Variants in COL21A1 observed in about 807,000 individuals in gnomAD.
COL21A1 encodes collagen alpha-1(XXI) chain.
In COL21A1, 149 loss-of-function variants were observed where a neutral mutation model predicts 137.9. The observed-to-expected ratio is 1.08, with a 90% CI of 0.95 to 1.24. The LOEUF is 1.24. Ranked by LOEUF, COL21A1 falls within the 50% of genes most tolerant of loss-of-function variation. The pLI is 0.00. For synonymous variants in COL21A1, 456 were observed against 391.5 expected (o/e 1.16, Z -1.95); for missense variants, 1,167 against 1,158.4 (o/e 1.01, Z -0.11).
At chr6:56,339,373 G>GA (rs11454007) in intron 1 of COL21A1, among the ~76,000 whole-genome samples, 98,221 of 152,026 alleles carry the variant, frequency 0.65, 32,155 homozygotes, top group East Asian at 0.92. Flanking sequence ...TACAGTGTCT[G>GA]AAAGTAGTAC....
chr6:56,394,116 C>G (rs796924769), upstream of COL21A1: 7 of 152,476 alleles, frequency 4.6e-5, no homozygotes, highest in African/African-American at 1.7e-4. Context: ...GGGAAGTGTG[C>G]TGCAGCCACA....
chr6:56,376,347 A>T (rs73745649), intron 1 of COL21A1, among the ~76,000 whole-genome samples: 1,687 of 152,312 alleles, frequency 0.011, 28 homozygotes, highest in African/African-American at 0.039. Context: ...ACGGAGGAAG[A>T]GGAGGCAGGA....
chr6:56,287,616 C>T (rs1313300554), intron 1 of COL21A1, among the ~76,000 whole-genome samples: 1 of 152,054 alleles, frequency 6.6e-6, no homozygotes, highest in African/African-American at 2.4e-5. Context: ...GAGGCCTCCC[C>T]AGCCATGCTT....
intron 1 of COL21A1, among the ~76,000 whole-genome samples, chr6:56,336,468 A>G (rs898039695): frequency 9.2e-5 from 14 of 152,248 alleles, no homozygotes; most frequent in African/African-American, 3.4e-4. Flanking sequence ...ACAGATTATA[A>G]GAAAATATTC....
intron 12 of COL21A1, among the ~76,000 whole-genome samples, chr6:56,138,620 A>G (rs1031626826): frequency 1.8e-4 from 27 of 152,156 alleles, no homozygotes; most frequent in African/African-American, 5.5e-4. Context: ...CAGCAAGACA[A>G]GAAGAAATAA....
At chr6:56,242,912 G>A (rs1782420142) in intron 1 of COL21A1, among the ~76,000 whole-genome samples, 1 of 152,170 alleles carries the variant, frequency 6.6e-6, no homozygotes, top group African/African-American at 2.4e-5. Context: ...AAGTTGGATT[G>A]TGCGTCTCTT....
In COL21A1 at chr6:56,166,954, A is replaced by T; in HGVS notation, c.1230T>A (p.Cys410Ter). Residue 410 changes from cysteine (C) to a stop codon, truncating the protein, a stop_gained, in exon 7 of 30, where the codon TGT (cysteine) becomes TGA (stop). Transcript: ENST00000244728. LOFTEE classifies it high-confidence loss of function. Reference sequence around the variant, plus strand: ...TCTCCCGGTTGTTCTGTTCTGGGTCACAGTAGATTCGCAACTTTTGGACAT... The same window carrying T: ...TCTCCCGGTTGTTCTGTTCTGGGTCTCAGTAGATTCGCAACTTTTGGACAT... The part of the protein sequence containing the change: ...QFDVQKLRIY[C>*]DPEQNNRETA... 1 of 1,612,630 alleles carries T rather than the reference A, an allele frequency of 6.2e-7. No homozygotes were observed. Among genetic ancestry groups the T allele is most frequent in the Non-Finnish European group, 8.5e-7 (1 of 1,179,320 alleles).
intron 1 of COL21A1, among the ~76,000 whole-genome samples, chr6:56,297,207 A>G (rs1764183099): frequency 6.6e-6 from 1 of 152,108 alleles, no homozygotes; most frequent in Non-Finnish European, 1.5e-5. Flanking sequence ...TTAAGTTGCC[A>G]TGCGCATGAG....
intron 18 of COL21A1, 92 bp downstream of exon 18, chr6:56,077,437 G>T (rs1404297167): frequency 2.4e-6 from 2 of 838,476 alleles, no homozygotes; most frequent in African/African-American, 1.8e-5. Context: ...AAAATTAACT[G>T]TTACCACAAA....
intron 14 of COL21A1, chr6:56,125,327 T>C: frequency 3.3e-6 from 1 of 306,306 alleles, no homozygotes; most frequent in Non-Finnish European, 5.9e-6. Context: ...CCTGTAAATC[T>C]TTTAAAAGCT....
rs902937675 is a variant in COL21A1, at chr6:56,393,744, G to T, written c.-39+227C>A. On this transcript the variant is annotated intron_variant, in intron 1 of 28. Coordinates refer to the COL21A1 transcript ENST00000370819. The stretch of plus-strand genomic sequence containing the variant: ...TACACCATGAGGCAGGTAGAAAATT[G>T]CCAGTCCCCAGAGTGTGCTAGTCCC... Among the ~76,000 whole-genome samples the T allele has an allele frequency of 2.6e-5, 4 of 152,274 alleles. No homozygotes were observed. In the South Asian group the frequency reaches 8.3e-4, roughly 32 times the overall value.
At chr6:56,078,689 CAT>C (rs1767457267) in intron 17 of COL21A1, among the ~76,000 whole-genome samples, 1 of 151,656 alleles carries the variant, frequency 6.6e-6, no homozygotes, top group African/African-American at 2.4e-5. Context: ...GACATAAACA[CAT>C]AGTTCTAGTT....
intron 1 of COL21A1, among the ~76,000 whole-genome samples, chr6:56,183,082 G>A (rs1306471479): frequency 6.6e-6 from 1 of 152,136 alleles, no homozygotes; most frequent in Non-Finnish European, 1.5e-5. Context: ...ACAGCTGATG[G>A]AATTTAATTT....
At chr6:56,244,037 C>T (rs1161928855) in intron 1 of COL21A1, among the ~76,000 whole-genome samples, 1 of 152,118 alleles carries the variant, frequency 6.6e-6, no homozygotes, top group African/African-American at 2.4e-5. Context: ...ATAGGCCTTA[C>T]TCACAACAGT....
intron 1 of COL21A1, among the ~76,000 whole-genome samples, chr6:56,280,967 T>G (rs1425506556): frequency 1.3e-5 from 2 of 152,172 alleles, no homozygotes; most frequent in East Asian, 3.9e-4. Flanking sequence ...ACTGTGCCAC[T>G]GCACTCCAGC....
chr6:56,316,105 A>G (rs1455686877), intron 1 of COL21A1, among the ~76,000 whole-genome samples: 5 of 152,198 alleles, frequency 3.3e-5, no homozygotes, highest in African/African-American at 1.2e-4. Context: ...ACAAGTAAGA[A>G]TTGTATATAT....
At chr6:56,217,806 C>T (rs1016224539) in intron 1 of COL21A1, among the ~76,000 whole-genome samples, 3 of 152,046 alleles carry the variant, frequency 2.0e-5, no homozygotes, top group Non-Finnish European at 4.4e-5. Flanking sequence ...AACAAGAAAA[C>T]TTCACTCACT....
intron 12 of COL21A1, among the ~76,000 whole-genome samples, chr6:56,129,699 T>TGTGTGTGTGTGTGTGTGTGTGTGA (rs1450514214): frequency 3.2e-4 from 39 of 120,512 alleles, no homozygotes; most frequent in African/African-American, 1.2e-3. Flanking sequence ...TGTGTGTGTG[T>TGTGTGTGTGTGTGTGTGTGTGTGA]GAGAGAGAGA....
intron 22 of COL21A1, 138 bp from the exon 23 acceptor site, chr6:56,067,468 C>G (rs1766368029): frequency 6.8e-6 from 4 of 589,380 alleles, no homozygotes; most frequent in Non-Finnish European, 1.2e-5. Flanking sequence ...GAAGTTGACT[C>G]CTAACACAAT....
Sources: allele counts gnomAD v4.1 joint callset (sites outside exome capture counted in the v4.1 genomes callset), GRCh38; gene constraint gnomAD v4.1.1; transcripts MANE v1.5; gene names NCBI Gene and HGNC (gene_info 2026-07-23, HGNC 2026-07-21).